The following ATP6V1H variants were observed in gnomAD, a reference collection of about 807,000 sequenced individuals.
The protein encoded by ATP6V1H is V-type proton ATPase subunit H.
Under a neutral mutation model 71.7 loss-of-function variants are expected in ATP6V1H, and 39 were observed. The observed-to-expected ratio is 0.54, with a 90% confidence interval of 0.42 to 0.71. The LOEUF (loss-of-function observed/expected upper bound fraction) is 0.71, where lower values mean the gene tolerates loss of function less well. Ranked by LOEUF, ATP6V1H falls within the 30% of genes least tolerant of loss-of-function variation. The pLI, the probability that ATP6V1H is intolerant of heterozygous loss-of-function variation, is 0.00. For synonymous variants in ATP6V1H, 192 were observed against 199.3 expected, an observed-to-expected ratio of 0.96 and a Z score of 0.31; for missense variants, 509 against 594.9, an observed-to-expected ratio of 0.86 and a Z score of 1.50.
chr8:53,758,538 G>C (rs1808151138), intron 11 of ATP6V1H, among the ~76,000 whole-genome samples: 1 of 152,110 alleles, frequency 6.6e-6, no homozygotes, highest in South Asian at 2.1e-4. Flanking sequence ...TAAATTCTTG[G>C]CAAACGACTT....
At chr8:53,830,214 T>C (rs952221649) in intron 3 of ATP6V1H, among the ~76,000 whole-genome samples, 4 of 152,170 alleles carry the variant, frequency 2.6e-5, no homozygotes, top group Admixed American at 6.5e-5. Context: ...AAAAACATAG[T>C]TTTAAGTATG....
intron 13 of ATP6V1H, among the ~76,000 whole-genome samples, chr8:53,731,504 T>C (rs1807024328): frequency 6.6e-6 from 1 of 152,218 alleles, no homozygotes. Flanking sequence ...TGTTCTGTTC[T>C]GTTCTGTCTT....
At chr8:53,733,512 G>T (rs1282509642) in intron 13 of ATP6V1H, among the ~76,000 whole-genome samples, 1 of 152,228 alleles carries the variant, frequency 6.6e-6, no homozygotes, top group East Asian at 1.9e-4. Flanking sequence ...CCGGCACCTG[G>T]AGGACTGTGG....
At chr8:53,839,965 T>G in intron 2 of ATP6V1H, 1 of 971,648 alleles carries the variant, frequency 1.0e-6, no homozygotes, top group Non-Finnish European at 1.2e-6. Flanking sequence ...CTGCATTGCC[T>G]GCCTCCAAAA....
chr8:53,742,864 C>A (rs113500475), intron 13 of ATP6V1H, among the ~76,000 whole-genome samples: 5 of 152,108 alleles, frequency 3.3e-5, no homozygotes, highest in African/African-American at 1.2e-4. Context: ...AACAGAGCAT[C>A]CTTCCAGAGG....
intron 12 of ATP6V1H, among the ~76,000 whole-genome samples, chr8:53,753,624 CA>C (rs776669771): frequency 1.4e-4 from 21 of 152,300 alleles, no homozygotes; most frequent in Non-Finnish European, 2.6e-4. Flanking sequence ...TATCTTCATT[CA>C]TTTTTTAGCA....
At chr8:53,751,314 G>T (rs1423084925) in intron 12 of ATP6V1H, among the ~76,000 whole-genome samples, 2 of 152,188 alleles carry the variant, frequency 1.3e-5, no homozygotes, top group Non-Finnish European at 2.9e-5. Flanking sequence ...GCAGTTTTTT[G>T]AACTTGGCAC....
At chr8:53,780,413 T>TA (rs1336423694) in intron 9 of ATP6V1H, among the ~76,000 whole-genome samples, 11 of 152,114 alleles carry the variant, frequency 7.2e-5, no homozygotes, top group Non-Finnish European at 1.5e-4. Flanking sequence ...CATCTTGCTA[T>TA]AAAAAATGAA....
chr8:53,743,684 G>T lies in ATP6V1H; in HGVS notation c.1284C>A (p.Ile428=). The change falls in exon 13 of 14, where the codon ATC becomes ATA. Residue 428 remains isoleucine, a synonymous_variant. Transcript: ENST00000359530. ...VRHYPRGKRV[I]EQLGGKQLVM... ...CCAGCTGCTTCCCACCGAGCTGCTC[G>T]ATGACCCTGCAAACGGGAGAGACGT... is the stretch of plus-strand genomic sequence containing the variant. The T allele has an allele frequency of 6.2e-7, 1 of 1,606,848 alleles. No homozygotes were observed.
At chr8:53,797,043 A>G (rs1489306024) in intron 8 of ATP6V1H, among the ~76,000 whole-genome samples, 1 of 152,206 alleles carries the variant, frequency 6.6e-6, no homozygotes, top group African/African-American at 2.4e-5. Flanking sequence ...ATTAATATTG[A>G]TATCAGTACA....
At chr8:53,743,171 T>A (rs1235962947) in intron 13 of ATP6V1H, among the ~76,000 whole-genome samples, 4 of 152,246 alleles carry the variant, frequency 2.6e-5, no homozygotes, top group Admixed American at 6.5e-5. Context: ...AGTTGATTTA[T>A]CAGCTTTTAG....
rs182411137 is a variant in ATP6V1H, at chr8:53,740,553, G to T, written c.1391+3024C>A. ...ATAATAACTCGTTTCCATTTAAATCGAGCCAATGCTAAAAGAAAAACTCCA... is the reference window on the plus strand; with the variant it reads ...ATAATAACTCGTTTCCATTTAAATCTAGCCAATGCTAAAAGAAAAACTCCA... On this transcript the variant is annotated intron_variant, in intron 13 of 13. Coordinates refer to ENST00000359530, the MANE Select transcript of ATP6V1H (RefSeq NM_015941.4). Among the ~76,000 whole-genome samples the T allele has an allele frequency of 2.6e-3, 403 of 152,202 alleles. 2 individuals carry two copies. The highest frequency in any genetic ancestry group is 9.3e-3 in the African/African-American group (386 of 41,554).
intron 2 of ATP6V1H, among the ~76,000 whole-genome samples, chr8:53,834,272 T>C (rs1186588682): frequency 1.3e-5 from 2 of 152,220 alleles, no homozygotes; most frequent in African/African-American, 4.8e-5. Flanking sequence ...TGATACTACC[T>C]GCCCTAGCCC....
chr8:53,775,205 T>C (rs891836068), intron 9 of ATP6V1H, among the ~76,000 whole-genome samples: 6 of 152,142 alleles, frequency 3.9e-5, no homozygotes, highest in Admixed American at 3.3e-4. Context: ...TGTTCGTTCC[T>C]CCCGGTAGGT....
At chr8:53,754,522 T>C (rs1184860580) in intron 12 of ATP6V1H, among the ~76,000 whole-genome samples, 3 of 152,116 alleles carry the variant, frequency 2.0e-5, no homozygotes, top group Non-Finnish European at 4.4e-5. Flanking sequence ...ATGGAACGAA[T>C]CATCAGAGTC....
chr8:53,811,221 T>C lies in ATP6V1H; in HGVS notation c.526-4A>G. 3.7e-6 allele frequency: 6 copies of C among 1,612,500 alleles called. No individual in the cohort carries two copies. Among genetic ancestry groups the C allele is most frequent in the Non-Finnish European group, 5.1e-6 (6 of 1,178,758 alleles). Reference sequence around the variant, plus strand: ...CAACACCGCTACCACGCAGTTTCTATTACGAAATAAATAACTCATTATTTA... The same window carrying C: ...CAACACCGCTACCACGCAGTTTCTACTACGAAATAAATAACTCATTATTTA... On this transcript the variant is annotated splice_polypyrimidine_tract_variant and splice_region_variant and intron_variant, in intron 6 of 13. Transcript: ENST00000359530.
chr8:53,806,431 G>A (rs761047039), intron 7 of ATP6V1H, among the ~76,000 whole-genome samples: 3 of 151,774 alleles, frequency 2.0e-5, no homozygotes, highest in Non-Finnish European at 4.4e-5. Context: ...ATATCTAAAT[G>A]AAGATAGTTT....
chr8:53,820,740 G>A (rs1245275733), intron 4 of ATP6V1H, among the ~76,000 whole-genome samples: 3 of 151,440 alleles, frequency 2.0e-5, no homozygotes, highest in Non-Finnish European at 2.9e-5. Context: ...CCACAACTTT[G>A]GGAGGCCAAG....
In ATP6V1H at chr8:53,799,326, T is replaced by A. The variant is rs574187764; in HGVS notation, c.677+2473A>T. 1.3e-4 allele frequency among the ~76,000 whole-genome samples: 20 copies of A among 152,208 alleles called. No individual in the cohort carries two copies. The East Asian group carries it at 3.7e-3, about 28-fold the overall frequency. Reference sequence around the variant, plus strand: ...ATCAAAGACTAAAATAATAAGAAAGTTAGAGATTGATGGAATCACCTAGGA... The same window carrying A: ...ATCAAAGACTAAAATAATAAGAAAGATAGAGATTGATGGAATCACCTAGGA... On this transcript the variant is annotated intron_variant, in intron 8 of 13. Coordinates refer to ENST00000359530, the MANE Select transcript of ATP6V1H (RefSeq NM_015941.4).
Sources: allele counts gnomAD v4.1 joint callset (sites outside exome capture counted in the v4.1 genomes callset), GRCh38; gene constraint gnomAD v4.1.1; transcripts MANE v1.5; gene names NCBI Gene and HGNC (gene_info 2026-07-23, HGNC 2026-07-21).